Variants in BCAS3 observed in about 807,000 individuals in gnomAD.
BCAS3 encodes BCAS4/BCAS3 fusion.
BCAS3 carries 53 observed loss-of-function variants against 116.1 expected under a neutral mutation model. The observed-to-expected ratio is 0.46, with a 90% CI of 0.37 to 0.57. The LOEUF is 0.57. Among genes scored for constraint, BCAS3 ranks in the 20% least tolerant of loss-of-function variants. BCAS3 has a pLI of 0.00. For missense variants in BCAS3, 917 were observed against 1,165.4 expected, an observed-to-expected ratio of 0.79 and a Z score of 3.10; for synonymous variants, 391 against 408.2, an observed-to-expected ratio of 0.96 and a Z score of 0.51.
At chr17:61,328,070 G>GA (rs1048982119) in intron 22 of BCAS3, among the ~76,000 whole-genome samples, 11 of 151,064 alleles carry the variant, frequency 7.3e-5, no homozygotes, top group Non-Finnish European at 1.0e-4. Flanking sequence ...AACGGCAAAG[G>GA]AAAAAAAATG....
At chr17:61,274,060 T>C (rs2050552138) in intron 22 of BCAS3, among the ~76,000 whole-genome samples, 1 of 151,156 alleles carries the variant, frequency 6.6e-6, no homozygotes, top group Non-Finnish European at 1.5e-5. Flanking sequence ...CTGCACCCAT[T>C]AACTCGTCAT....
intron 10 of BCAS3, among the ~76,000 whole-genome samples, chr17:60,890,313 G>T (rs922858787): frequency 2.0e-5 from 3 of 152,132 alleles, no homozygotes; most frequent in Non-Finnish European, 4.4e-5. Flanking sequence ...AATTAGCCGG[G>T]CGTGGTGGCA....
chr17:60,821,621 C>CT (rs1445409785), intron 7 of BCAS3: 1 of 151,848 alleles, frequency 6.6e-6, no homozygotes, highest in Non-Finnish European at 1.5e-5. Context: ...AGTATGTACT[C>CT]TTTTTTTGTC....
chr17:61,357,096 T>C (rs1278008032), intron 22 of BCAS3: 1 of 151,124 alleles, frequency 6.6e-6, no homozygotes, highest in Non-Finnish European at 1.5e-5. Flanking sequence ...TTTTTTTTTT[T>C]CTTAAAAAAC....
rs1421669839 is a variant in BCAS3 at position 61,140,440 on chromosome 17, T to G, written c.2425+55876T>G. Among the ~76,000 whole-genome samples, 1 of 152,124 alleles carries G rather than the reference T, an allele frequency of 6.6e-6. No homozygotes were observed. Reference sequence around the variant, plus strand: ...GGGACAAGAGATGGAAGGTTTTGAGTTGGGGAAAAGTATTCTGGCAGCAGG... The same window carrying G: ...GGGACAAGAGATGGAAGGTTTTGAGGTGGGGAAAAGTATTCTGGCAGCAGG... On this transcript the variant is annotated intron_variant, in intron 22 of 23. Transcript: ENST00000407086. The surrounding 1 kb of genome is among the most constrained non-coding windows in gnomAD (Gnocchi z 4.2).
rs1161205683 is a variant in BCAS3 at position 61,088,747 on chromosome 17, T to C, written c.2425+4183T>C. ...CTGATTTGTGGTTTTACTATGGAGA[T>C]GGATGTTTACTAACAAAGAACTCAG... On this transcript the variant is annotated intron_variant, in intron 22 of 23. Transcript: ENST00000407086. The surrounding 1 kb of genome is among the most constrained non-coding windows in gnomAD (Gnocchi z 4.2). 6.6e-6 allele frequency among the ~76,000 whole-genome samples: 1 copy of C among 152,252 alleles called. No homozygotes were observed. Among genetic ancestry groups the C allele is most frequent in the Non-Finnish European group, 1.5e-5 (1 of 68,042 alleles).
rs976409441 is a variant in BCAS3, at chr17:61,112,830, C to G, written c.2425+28266C>G. ...CACCTATTCCAAAATTGACCACATA[C>G]TTGGAAGTAAAGCTCTCCTCAGCAA... On this transcript the variant is annotated intron_variant, in intron 22 of 23. Transcript: ENST00000407086. 1.4e-3 allele frequency among the ~76,000 whole-genome samples: 207 copies of G among 151,680 alleles called. 1 individual carries two copies. Among genetic ancestry groups the G allele is most frequent in the African/African-American group, 3.8e-3 (156 of 41,416 alleles).
At chr17:60,965,844 G>A (rs548399724) in intron 14 of BCAS3, among the ~76,000 whole-genome samples, 7 of 152,188 alleles carry the variant, frequency 4.6e-5, no homozygotes, top group South Asian at 2.1e-4. Flanking sequence ...TTCTCTAAAC[G>A]TAGTTAGGCT....
chr17:61,374,324 C>T (rs892983955), intron 23 of BCAS3, among the ~76,000 whole-genome samples: 1 of 151,612 alleles, frequency 6.6e-6, no homozygotes, highest in African/African-American at 2.4e-5. Flanking sequence ...GCATATGCCA[C>T]CACACTCGGC....
chr17:60,901,014 GCCTGGCCAACAT>G (rs2057856158), intron 10 of BCAS3, among the ~76,000 whole-genome samples: 1 of 151,886 alleles, frequency 6.6e-6, no homozygotes, highest in Admixed American at 6.6e-5. Context: ...TTTGAGACCA[GCCTGGCCAACAT>G]GGGGAAACCT....
Position 61,209,147 on chromosome 17 carries a change from G to GA in BCAS3, c.2425+124593dup, listed in dbSNP as rs1046615727. Among the ~76,000 whole-genome samples, 48 of 65,732 alleles carry GA rather than the reference G, an allele frequency of 7.3e-4. No homozygotes were observed. The South Asian group carries it at 0.012, about 17-fold the overall frequency. The allele number at this position is 65,732 out of a possible 152,430, so 43.1% of individuals were successfully genotyped here. A position where few individuals can be genotyped will look rare whatever the true frequency, so the allele number is the denominator to read the frequency against. ...AAAAGCTGTTTTTGCTGAAGAAGAA[G>GA]AAAAAAAAAAGGCCACCCCGAAACA... is the stretch of plus-strand genomic sequence containing the variant. On this transcript the variant is annotated intron_variant, in intron 22 of 23. Coordinates refer to ENST00000407086, the MANE Select transcript of BCAS3 (RefSeq NM_017679.5).
intron 13 of BCAS3, among the ~76,000 whole-genome samples, chr17:60,940,693 A>G (rs2060178596): frequency 6.6e-6 from 1 of 152,252 alleles, no homozygotes; most frequent in Non-Finnish European, 1.5e-5. Flanking sequence ...ATTAATGCCA[A>G]AGTATAAAAT....
intron 22 of BCAS3, among the ~76,000 whole-genome samples, chr17:61,119,239 CAT>C (rs1350102732): frequency 2.6e-5 from 4 of 152,048 alleles, no homozygotes; most frequent in Non-Finnish European, 4.4e-5. Flanking sequence ...ACCTAACAAA[CAT>C]AACATACATA....
intron 7 of BCAS3, among the ~76,000 whole-genome samples, chr17:60,825,488 A>G (rs2050305144): frequency 6.7e-6 from 1 of 148,222 alleles, no homozygotes; most frequent in South Asian, 2.1e-4. Context: ...AAACTTGGTA[A>G]TTTATAAATA....
chr17:61,109,283 TTG>T lies in BCAS3; in HGVS notation c.2425+24751_2425+24752del, dbSNP rs113547904. Among the ~76,000 whole-genome samples, 1,113 of 144,742 alleles carry T rather than the reference TTG, an allele frequency of 7.7e-3. 5 individuals are homozygous for T. The highest frequency in any genetic ancestry group is 0.017 in the Middle Eastern group (5 of 286). 95.0% of individuals were successfully genotyped at this position (144,742 alleles called of 152,430 possible). On this transcript the variant is annotated intron_variant, in intron 22 of 23. Coordinates refer to ENST00000407086, the MANE Select transcript of BCAS3 (RefSeq NM_017679.5). Reference sequence around the variant, plus strand: ...TTGTTACGGCCGAGTAGTATTCCATTTGTGTGTGTGTGTGTGTGTGTGTGTGT... The same window carrying T: ...TTGTTACGGCCGAGTAGTATTCCATTTGTGTGTGTGTGTGTGTGTGTGTGT...
chr17:60,972,139 C>T (rs1040446749), intron 14 of BCAS3, among the ~76,000 whole-genome samples: 4 of 152,106 alleles, frequency 2.6e-5, no homozygotes, highest in South Asian at 4.1e-4. Flanking sequence ...TGTACATGTT[C>T]GATGATATCC....
At chr17:61,193,631 C>T (rs990304413) in intron 22 of BCAS3, among the ~76,000 whole-genome samples, 4 of 151,844 alleles carry the variant, frequency 2.6e-5, no homozygotes, top group Non-Finnish European at 5.9e-5. Flanking sequence ...GTGGCGCATG[C>T]CTGTAATCCC....
intron 14 of BCAS3, among the ~76,000 whole-genome samples, chr17:60,969,031 C>T (rs2061811231): frequency 6.7e-6 from 1 of 149,814 alleles, no homozygotes; most frequent in South Asian, 2.1e-4. Flanking sequence ...TGATGCCAGG[C>T]AGAATCGGGG....
At chr17:61,238,096 A>G (rs1476010336) in intron 22 of BCAS3, among the ~76,000 whole-genome samples, 1 of 152,198 alleles carries the variant, frequency 6.6e-6, no homozygotes. Flanking sequence ...TTTGTCGCCC[A>G]GGCTGGAGTA....
Sources: allele counts gnomAD v4.1 joint callset (sites outside exome capture counted in the v4.1 genomes callset), GRCh38; gene constraint gnomAD v4.1.1; non-coding constraint Gnocchi (gnomAD v3.1); transcripts MANE v1.5; gene names NCBI Gene and HGNC (gene_info 2026-07-23, HGNC 2026-07-21).